The following LRRC4C variants were observed in gnomAD, a reference collection of about 807,000 sequenced individuals.
LRRC4C encodes leucine-rich repeat-containing protein 4C.
In LRRC4C, 5 loss-of-function variants were observed where a neutral mutation model predicts 33.6. The ratio of observed to expected loss-of-function variants is 0.15; its 90% CI spans 0.08 to 0.31. The LOEUF (loss-of-function observed/expected upper bound fraction) is 0.31, where lower values mean the gene tolerates loss of function less well. Ranked by LOEUF, LRRC4C falls within the 10% of genes least tolerant of loss-of-function variation. LRRC4C has a pLI of 1.00. For missense variants in LRRC4C, 560 were observed against 796.7 expected (o/e 0.70, Z 3.58); for synonymous variants, 329 against 302.0 (o/e 1.09, Z -0.93).
At chr11:40,385,916 A>G (rs1234295956) in intron 3 of LRRC4C, among the ~76,000 whole-genome samples, 1 of 143,604 alleles carries the variant, frequency 7.0e-6, no homozygotes, top group African/African-American at 2.5e-5. Context: ...TAAAAAAATA[A>G]AAAAGAAAAG....
intron 2 of LRRC4C, among the ~76,000 whole-genome samples, chr11:40,847,946 G>T (rs771355655): frequency 6.6e-6 from 1 of 151,996 alleles, no homozygotes; most frequent in Admixed American, 6.6e-5. Flanking sequence ...TTGTGTAGAG[G>T]TGTTTATAGT....
intron 1 of LRRC4C, among the ~76,000 whole-genome samples, chr11:41,430,839 G>T (rs2138418270): frequency 6.6e-6 from 1 of 151,724 alleles, no homozygotes; most frequent in Middle Eastern, 3.4e-3. Context: ...GGTCATTAAG[G>T]GCACTTACTT....
At chr11:40,905,831 G>A (rs917585196) in intron 2 of LRRC4C, among the ~76,000 whole-genome samples, 3 of 152,190 alleles carry the variant, frequency 2.0e-5, no homozygotes, top group African/African-American at 7.2e-5. Flanking sequence ...TTGTCCAAAT[G>A]ACAATAAAGG....
chr11:40,272,975 G>T (rs907865387), intron 4 of LRRC4C, among the ~76,000 whole-genome samples: 4 of 145,796 alleles, frequency 2.7e-5, no homozygotes, highest in Non-Finnish European at 6.1e-5. Flanking sequence ...TAATTTATAT[G>T]ATGAGTTTAA....
rs72885109 is a variant in LRRC4C at position 40,540,646 on chromosome 11, T to C, written c.-270+107496A>G. 3.5e-3 allele frequency among the ~76,000 whole-genome samples: 540 copies of C among 152,244 alleles called. 2 individuals are homozygous for C. Among genetic ancestry groups the C allele is most frequent in the Non-Finnish European group, 6.0e-3 (406 of 68,012 alleles). ...TCAGTTTGACAATTTCAGTCCTTACTATTTAGGAAAAAAAAATATCAAGTA... is the reference window on the plus strand; with the variant it reads ...TCAGTTTGACAATTTCAGTCCTTACCATTTAGGAAAAAAAAATATCAAGTA... On this transcript the variant is annotated intron_variant, in intron 3 of 6. Transcript: ENST00000528697.
chr11:40,372,979 T>A (rs1410444143), intron 3 of LRRC4C, among the ~76,000 whole-genome samples: 2 of 152,172 alleles, frequency 1.3e-5, no homozygotes, highest in African/African-American at 2.4e-5. Flanking sequence ...TTGTTAGAGT[T>A]GGTGTACAAT....
At chr11:40,312,141 A>AT (rs1945345555) in intron 4 of LRRC4C, among the ~76,000 whole-genome samples, 1 of 152,162 alleles carries the variant, frequency 6.6e-6, no homozygotes, top group Non-Finnish European at 1.5e-5. Flanking sequence ...CTGTTGATAC[A>AT]TAAAAAAAAG....
chr11:40,534,061 A>G (rs966723432), intron 3 of LRRC4C, among the ~76,000 whole-genome samples: 1 of 152,162 alleles, frequency 6.6e-6, no homozygotes, highest in Non-Finnish European at 1.5e-5. Flanking sequence ...GATGCAAATC[A>G]TGGTTCCACC....
At chr11:40,869,832 A>G (rs983975818) in intron 2 of LRRC4C, among the ~76,000 whole-genome samples, 2 of 152,146 alleles carry the variant, frequency 1.3e-5, no homozygotes, top group African/African-American at 2.4e-5. Context: ...TCTTCCAAGT[A>G]TACTTTCCTT....
chr11:41,288,096 A>G (rs1397376509), intron 1 of LRRC4C, among the ~76,000 whole-genome samples: 1 of 152,178 alleles, frequency 6.6e-6, no homozygotes, highest in Non-Finnish European at 1.5e-5. Flanking sequence ...TCTAATTATC[A>G]GACACATTCC....
chr11:40,294,969 T>G (rs1944437044), intron 4 of LRRC4C, among the ~76,000 whole-genome samples: 1 of 152,138 alleles, frequency 6.6e-6, no homozygotes, highest in Non-Finnish European at 1.5e-5. Flanking sequence ...AAAGGCGAGA[T>G]AGTAGCCTTC....
intron 1 of LRRC4C, among the ~76,000 whole-genome samples, chr11:41,127,958 G>T (rs564397770): frequency 6.6e-6 from 1 of 151,984 alleles, no homozygotes; most frequent in African/African-American, 2.4e-5. Context: ...CCATTGCTTC[G>T]CAAGCCAAGG....
At chr11:41,002,769 G>A (rs1854478662) in intron 1 of LRRC4C, among the ~76,000 whole-genome samples, 2 of 152,154 alleles carry the variant, frequency 1.3e-5, no homozygotes, top group Non-Finnish European at 1.5e-5. Context: ...AAGTCAATAT[G>A]CAGTGTGTAT....
intron 1 of LRRC4C, among the ~76,000 whole-genome samples, chr11:41,129,678 C>T (rs1289128570): frequency 6.6e-6 from 1 of 151,860 alleles, no homozygotes; most frequent in Non-Finnish European, 1.5e-5. Flanking sequence ...TTCATAATTT[C>T]CAAGGCAGAT....
chr11:40,545,530 G>A (rs544088261), intron 3 of LRRC4C, among the ~76,000 whole-genome samples: 2 of 152,076 alleles, frequency 1.3e-5, no homozygotes, highest in Admixed American at 1.3e-4. Flanking sequence ...TTAAGGGAAC[G>A]CAGTTTGTGC....
intron 2 of LRRC4C, among the ~76,000 whole-genome samples, chr11:40,803,401 G>A (rs766138983): frequency 1.3e-5 from 2 of 152,016 alleles, no homozygotes; most frequent in Non-Finnish European, 2.9e-5. Context: ...AAGAAACATG[G>A]CTTAGATCAG....
intron 1 of LRRC4C, among the ~76,000 whole-genome samples, chr11:41,409,922 GT>G (rs544378416): frequency 7.2e-5 from 11 of 152,254 alleles, no homozygotes; most frequent in African/African-American, 2.2e-4. Flanking sequence ...TAATATTAAT[GT>G]TTTTTTATTT....
chr11:40,718,720 T>C (rs754615237), intron 2 of LRRC4C, among the ~76,000 whole-genome samples: 12 of 152,322 alleles, frequency 7.9e-5, no homozygotes, highest in African/African-American at 2.9e-4. Flanking sequence ...CACAAAAGCA[T>C]GCTGCTATTT....
At chr11:40,167,097 T>A (rs1408526124) in intron 5 of LRRC4C, among the ~76,000 whole-genome samples, 2 of 152,198 alleles carry the variant, frequency 1.3e-5, no homozygotes, top group African/African-American at 2.4e-5. Context: ...TGAGTAATCC[T>A]GACCGTTGGC....
Sources: gnomAD v4.1 joint callset for allele counts (sites outside exome capture counted in the v4.1 genomes callset) on GRCh38, gnomAD v4.1.1 for gene constraint, MANE v1.5 for transcripts, NCBI Gene and HGNC (gene_info 2026-07-23, HGNC 2026-07-21) for gene names.